Variants in LETM1 observed in about 807,000 individuals in gnomAD.
The protein encoded by LETM1 is mitochondrial proton/calcium exchanger protein.
Under a neutral mutation model 74.5 loss-of-function variants are expected in LETM1, and 50 were observed. The observed-to-expected ratio is 0.67, with a 90% CI of 0.53 to 0.85. LETM1 has a LOEUF of 0.85. Ranked by LOEUF, LETM1 falls within the 40% of genes least tolerant of loss-of-function variation. The pLI is 0.00. For missense variants in LETM1, 824 were observed against 967.8 expected, an observed-to-expected ratio of 0.85 and a Z score of 1.97; for synonymous variants, 446 against 407.1, an observed-to-expected ratio of 1.10 and a Z score of -1.15.
rs552283855 is a variant in LETM1 at position 1,837,820 on chromosome 4, G to A, written c.595-1248C>T. Among the ~76,000 whole-genome samples, 50 of 149,156 alleles carry A rather than the reference G, an allele frequency of 3.4e-4. No individual in the cohort carries two copies. The East Asian group carries it at 4.6e-3, about 14-fold the overall frequency. On this transcript the variant is annotated intron_variant, in intron 3 of 13. Transcript: ENST00000302787. Reference sequence around the variant, plus strand: ...CTGGTTCAAGCGATTCTCCTGCCTCGGCCTCCAGAGTAGCTGGGATTACAG... The same window carrying A: ...CTGGTTCAAGCGATTCTCCTGCCTCAGCCTCCAGAGTAGCTGGGATTACAG...
chr4:1,850,159 A>AG (rs1367668389), intron 1 of LETM1, among the ~76,000 whole-genome samples: 1 of 152,116 alleles, frequency 6.6e-6, no homozygotes, highest in Non-Finnish European at 1.5e-5. Flanking sequence ...CGTCTCAAAA[A>AG]GAAAAAAAAA....
intron 1 of LETM1, among the ~76,000 whole-genome samples, chr4:1,855,226 AT>A (rs1713196962): frequency 6.6e-6 from 1 of 152,204 alleles, no homozygotes; most frequent in African/African-American, 2.4e-5. Context: ...ATAGACTCAA[AT>A]AAGTTGGTTA....
At position 1,832,919 on chromosome 4, in the gene LETM1, T is replaced by C. The variant is rs1458957889; in HGVS notation, c.905A>G (p.Asn302Ser). Residue 302 changes from asparagine (N) to serine (S), a missense_variant, in exon 6 of 14, where the codon AAT becomes AGT. By Grantham distance (46) the Asn-to-Ser change is conservative. This residue lies in a region of LETM1 where 269 missense variants were observed against 348.8 expected (regional missense o/e 0.77). Transcript: ENST00000302787. ...KIRETGERPS[N>S]EEIMRFSKLF... ...TTTGGAAAAACGCATGATTTCCTCA[T>C]TGCTGGGCCTCTCCCCTGTTTCCCG... 1.9e-6 allele frequency: 3 copies of C among 1,612,426 alleles called. No individual in the cohort carries two copies. The highest frequency in any genetic ancestry group is 2.2e-5 in the East Asian group (1 of 44,888).
chr4:1,850,574 C>T (rs1163923981), intron 1 of LETM1, among the ~76,000 whole-genome samples: 2 of 143,794 alleles, frequency 1.4e-5, no homozygotes, highest in Non-Finnish European at 3.0e-5. Context: ...ACCCGGGAGG[C>T]GGAGCTTGCA....
At chr4:1,823,227 T>C in intron 8 of LETM1, 96 bp from the exon 9 acceptor site, 1 of 1,405,750 alleles carries the variant, frequency 7.1e-7, no homozygotes, top group South Asian at 1.4e-5. Flanking sequence ...CCCTGCCCCG[T>C]CACCACCTGG....
Position 1,811,795 on chromosome 4 carries a change from G to C in LETM1, c.*2629C>G. On this transcript the variant is annotated 3_prime_UTR_variant, in exon 14 of 14. Transcript: ENST00000302787. ...GCCCAATTCCTGAATCCCTGCGTTA[G>C]AACTGAGAGTTCAGGCCGGGCGCGG... 6.6e-6 allele frequency: 1 copy of C among 152,370 alleles called. No homozygotes were observed. The highest frequency in any genetic ancestry group is 2.1e-4 in the South Asian group (1 of 4,828). 9.4% of individuals were successfully genotyped at this position (152,370 alleles called of 1,614,324 possible). A position where few individuals can be genotyped will look rare whatever the true frequency, so the allele number is the denominator to read the frequency against.
chr4:1,811,524 C>A lies in LETM1; in HGVS notation c.*2900G>T, dbSNP rs1722469312. 6.6e-6 allele frequency: 1 copy of A among 152,418 alleles called. No homozygotes were observed. 9.4% of individuals were successfully genotyped at this position (152,418 alleles called of 1,614,324 possible). On this transcript the variant is annotated 3_prime_UTR_variant, in exon 14 of 14. Transcript: ENST00000302787. ...TGTTTTAATAAAAATACGATTTCTACAAAAGGTGCTTAACACGGCCCAGGA... is the reference window on the plus strand; with the variant it reads ...TGTTTTAATAAAAATACGATTTCTAAAAAAGGTGCTTAACACGGCCCAGGA...
At chr4:1,822,885 G>A in intron 9 of LETM1, 103 bp downstream of exon 9, 1 of 1,115,210 alleles carries the variant, frequency 9.0e-7, no homozygotes. Context: ...GGACAGAGCT[G>A]CAGGGCAAGC....
At chr4:1,850,083 G>A (rs906207061) in intron 1 of LETM1, among the ~76,000 whole-genome samples, 1 of 152,184 alleles carries the variant, frequency 6.6e-6, no homozygotes, top group African/African-American at 2.4e-5. Context: ...GAACCTGGGA[G>A]GCAAAGGTTG....
At position 1,851,712 on chromosome 4, in the gene LETM1, C is replaced by T. The variant is rs373869329; in HGVS notation, c.83-2503G>A. On this transcript the variant is annotated intron_variant, in intron 1 of 13. Coordinates refer to ENST00000302787, the MANE Select transcript of LETM1 (RefSeq NM_012318.3). The stretch of plus-strand genomic sequence containing the variant: ...CATGAAGAGGGCCCAGCGCATTCTC[C>T]GCTATCCTCCCCACACCATGGCACC... Among the ~76,000 whole-genome samples the T allele has an allele frequency of 2.9e-4, 44 of 152,326 alleles. 1 individual carries two copies. In the East Asian group the frequency reaches 7.3e-3, roughly 25 times the overall value.
chr4:1,814,698 G>T, intron 13 of LETM1, 125 bp from the exon 14 acceptor site: 1 of 760,916 alleles, frequency 1.3e-6, no homozygotes, highest in Non-Finnish European at 2.2e-6. Context: ...ATCACTGCCT[G>T]CGGGCCCCAG....
chr4:1,812,543 C>T lies in LETM1; in HGVS notation c.*1881G>A, dbSNP rs1433039411. ...TGTAAGAAAGGACTGTTTTAAGAAGCTTATTACACAAAGCTCATATTTCTG... is the reference window on the plus strand; with the variant it reads ...TGTAAGAAAGGACTGTTTTAAGAAGTTTATTACACAAAGCTCATATTTCTG... On this transcript the variant is annotated 3_prime_UTR_variant, in exon 14 of 14. Transcript: ENST00000302787. The T allele has an allele frequency of 2.0e-5, 3 of 152,210 alleles. No homozygotes were observed. The highest frequency in any genetic ancestry group is 7.2e-5 in the African/African-American group (3 of 41,382). 9.4% of individuals were successfully genotyped at this position (152,210 alleles called of 1,614,324 possible).
chr4:1,849,712 A>C (rs566364495), intron 1 of LETM1, among the ~76,000 whole-genome samples: 42 of 152,314 alleles, frequency 2.8e-4, no homozygotes, highest in African/African-American at 9.4e-4. Context: ...GTGCACCATC[A>C]GGCCAGGCTA....
chr4:1,849,854 C>T (rs1713009211), intron 1 of LETM1, among the ~76,000 whole-genome samples: 1 of 151,756 alleles, frequency 6.6e-6, no homozygotes, highest in Non-Finnish European at 1.5e-5. Context: ...AGCCTGAAAC[C>T]TTCTTTTAAG....
At chr4:1,835,507 T>C (rs1175943798) in intron 4 of LETM1, among the ~76,000 whole-genome samples, 1 of 151,858 alleles carries the variant, frequency 6.6e-6, no homozygotes, top group Non-Finnish European at 1.5e-5. Context: ...ACTCGTGTGA[T>C]TCCCTAAAGC....
At chr4:1,815,116 A>G (rs1417096072) in intron 13 of LETM1, among the ~76,000 whole-genome samples, 1 of 152,230 alleles carries the variant, frequency 6.6e-6, no homozygotes, top group Non-Finnish European at 1.5e-5. Context: ...GTGCGCACTC[A>G]GGCTAGAGCC....
intron 10 of LETM1, among the ~76,000 whole-genome samples, chr4:1,820,173 C>T (rs764328212): frequency 6.6e-5 from 10 of 152,214 alleles, no homozygotes; most frequent in Admixed American, 2.6e-4. Flanking sequence ...TGGACTCAGA[C>T]GATCCTCCCA....
At chr4:1,821,101 AT>A (rs1411962724) in intron 10 of LETM1, among the ~76,000 whole-genome samples, 2 of 151,050 alleles carry the variant, frequency 1.3e-5, no homozygotes, top group Non-Finnish European at 3.0e-5. Context: ...GAATAGTTCT[AT>A]TTGATTTGCT....
chr4:1,835,484 CAAAA>C (rs554269812), intron 4 of LETM1, among the ~76,000 whole-genome samples: 1 of 151,508 alleles, frequency 6.6e-6, no homozygotes, highest in Non-Finnish European at 1.5e-5. Flanking sequence ...AACAAACAAA[CAAAA>C]ACAAACAAAC....
Sources: gnomAD v4.1 joint callset for allele counts (sites outside exome capture counted in the v4.1 genomes callset) on GRCh38, gnomAD v4.1.1 for gene constraint, gnomAD v4.1.1 regional missense constraint, MANE v1.5 for transcripts, NCBI Gene and HGNC (gene_info 2026-07-23, HGNC 2026-07-21) for gene names.